CEP95: variants seen among roughly 807,000 people sequenced by gnomAD.
CEP95 encodes the protein centrosomal protein 95, also known as centrosomal protein of 95 kDa.
Under a neutral mutation model 111.2 loss-of-function variants are expected in CEP95, and 98 were observed. The ratio of observed to expected loss-of-function variants is 0.88; its 90% CI spans 0.75 to 1.04. The LOEUF (loss-of-function observed/expected upper bound fraction) is 1.04. CEP95 is among the 50% of genes least tolerant of loss of function. The probability of loss-of-function intolerance (pLI) is 0.00; values close to 1 mark genes in which losing one functional copy is unlikely to be tolerated. For synonymous variants in CEP95, 323 were observed against 327.1 expected, an observed-to-expected ratio of 0.99 and a Z score of 0.14; for missense variants, 1,027 against 977.2, an observed-to-expected ratio of 1.05 and a Z score of -0.68.
At chr17:64,513,969 A>AG (rs1397962945) in intron 3 of CEP95, among the ~76,000 whole-genome samples, 1 of 152,210 alleles carries the variant, frequency 6.6e-6, no homozygotes, top group Non-Finnish European at 1.5e-5. Flanking sequence ...CTTCTCCAAA[A>AG]AAGGAAGGAA....
Position 64,521,387 on chromosome 17 carries a change from T to G in CEP95, c.590-15T>G, listed in dbSNP as rs782501715. On this transcript the variant is annotated splice_polypyrimidine_tract_variant and intron_variant, in intron 6 of 19. Coordinates refer to ENST00000556440, the MANE Select transcript of CEP95 (RefSeq NM_138363.3). ...TGATAGTTAAAAATTTTACCTTTAA[T>G]ATTTTCTTTCCTAGGTGCTCAATGT... 6.3e-7 allele frequency: 1 copy of G among 1,593,058 alleles called. No individual in the cohort carries two copies. The highest frequency in any genetic ancestry group is 1.1e-5 in the South Asian group (1 of 87,898).
At chr17:64,511,825 AT>A (rs1429987765) in intron 3 of CEP95, among the ~76,000 whole-genome samples, 1 of 152,254 alleles carries the variant, frequency 6.6e-6, no homozygotes, top group Non-Finnish European at 1.5e-5. Flanking sequence ...TTATAAAAGT[AT>A]TAATTTGGGG....
intron 5 of CEP95, among the ~76,000 whole-genome samples, chr17:64,518,767 G>A (rs1967079903): frequency 6.6e-6 from 1 of 151,726 alleles, no homozygotes; most frequent in Non-Finnish European, 1.5e-5. Context: ...TGCAACCTCT[G>A]CCTCCCAGGT....
chr17:64,510,368 G>GT (rs2038829265), intron 3 of CEP95, 88 bp downstream of exon 3: 2 of 841,862 alleles, frequency 2.4e-6, no homozygotes, highest in African/African-American at 3.4e-5. Flanking sequence ...AACCAAATGA[G>GT]TGAGCTTATG....
At chr17:64,517,690 A>ATTT (rs782455302) in intron 5 of CEP95, among the ~76,000 whole-genome samples, 13 of 124,512 alleles carry the variant, frequency 1.0e-4, no homozygotes, top group African/African-American at 3.9e-4. Context: ...CACCTGGCTA[A>ATTT]TTTTTTTTTT....
chr17:64,512,909 T>G (rs2144358287), intron 3 of CEP95, among the ~76,000 whole-genome samples: 1 of 152,284 alleles, frequency 6.6e-6, no homozygotes, highest in Non-Finnish European at 1.5e-5. Context: ...ACATACATGT[T>G]TGTAAAACTC....
intron 17 of CEP95, chr17:64,535,056 A>G (rs1968556650): frequency 2.9e-6 from 1 of 348,518 alleles, no homozygotes; most frequent in African/African-American, 2.1e-5. Flanking sequence ...TAGTGTGATA[A>G]CATGACCTTG....
Position 64,532,523 on chromosome 17 carries a change from C to T in CEP95, c.1673-316C>T, listed in dbSNP as rs79911497. On this transcript the variant is annotated intron_variant, in intron 14 of 19. Coordinates refer to ENST00000556440, the MANE Select transcript of CEP95 (RefSeq NM_138363.3). The stretch of plus-strand genomic sequence containing the variant: ...GAAACTTTTTCTTCTAAGCACTTGC[C>T]TACCGGGAAGGTTGAGGAGTCTTGT... The T allele has an allele frequency of 8.6e-4, 850 of 985,372 alleles. 3 individuals are homozygous for T. In the African/African-American group the frequency reaches 0.013, roughly 16 times the overall value. The allele number at this position is 985,372 out of a possible 1,614,324, so 61.0% of individuals were successfully genotyped here.
At position 64,513,527 on chromosome 17, in the gene CEP95, A is replaced by G. The variant is rs111527646; in HGVS notation, c.257-721A>G. On this transcript the variant is annotated intron_variant, in intron 3 of 19. Transcript: ENST00000556440. The stretch of plus-strand genomic sequence containing the variant: ...TGTGCTAGGGACTGTGCTATGATCT[A>G]TGAGTGTAAGTTATGAATATGAAGT... 3.4e-3 allele frequency among the ~76,000 whole-genome samples: 514 copies of G among 152,322 alleles called. 2 individuals carry two copies. Among genetic ancestry groups the G allele is most frequent in the African/African-American group, 0.012 (503 of 41,576 alleles).
At position 64,525,861 on chromosome 17, in the gene CEP95, G is replaced by A. The variant is rs923494028; in HGVS notation, c.1001G>A (p.Arg334Lys). The change falls in exon 9 of 20, where the codon AGG (arginine) becomes AAG (lysine). Residue 334 changes from arginine to lysine, a missense_variant. By Grantham distance (26) the Arg-to-Lys change is conservative. Transcript: ENST00000556440. ...YPAQVQGPRT[R>K]KPPKGKRNEN... ...GCTCAGGTCCAAGGGCCTAGGACAA[G>A]GAAGCCTCCCAAAGGAAAAAGGTAA... 2 of 1,577,410 alleles carry A rather than the reference G, an allele frequency of 1.3e-6. No homozygotes were observed. The highest frequency in any genetic ancestry group is 1.7e-6 in the Non-Finnish European group (2 of 1,169,812).
chr17:64,508,128 C>T (rs2144313634), intron 1 of CEP95: 1 of 985,424 alleles, frequency 1.0e-6, no homozygotes, highest in Non-Finnish European at 1.2e-6. Flanking sequence ...ACCAGAGAAA[C>T]CCTGACTTGC....
At chr17:64,514,034 A>G (rs549570217) in intron 3 of CEP95, among the ~76,000 whole-genome samples, 3 of 152,174 alleles carry the variant, frequency 2.0e-5, no homozygotes, top group Non-Finnish European at 4.4e-5. Flanking sequence ...TTTTTCTTCA[A>G]ATATAATCAG....
At chr17:64,520,918 T>C (rs1967281404) in intron 6 of CEP95, among the ~76,000 whole-genome samples, 1 of 152,230 alleles carries the variant, frequency 6.6e-6, no homozygotes. Flanking sequence ...GATTACAAAA[T>C]GGCATCTTAC....
intron 11 of CEP95, 124 bp from the exon 12 acceptor site, chr17:64,529,164 G>C (rs1275833276): frequency 1.0e-5 from 8 of 776,092 alleles, no homozygotes; most frequent in Non-Finnish European, 1.6e-5. Context: ...GTTAGTTACA[G>C]GAGAGAGTCC....
chr17:64,507,426 A>G, intron 1 of CEP95: 1 of 1,355,624 alleles, frequency 7.4e-7, no homozygotes. Flanking sequence ...TGGGGCGTCT[A>G]GCCGCTGTCC....
upstream of CEP95, chr17:64,506,814 C>T (rs75470037): frequency 2.3e-3 from 1,334 of 577,242 alleles, 14 homozygotes; most frequent in African/African-American, 0.021. Flanking sequence ...GTGGACCGTC[C>T]GACCCGCGTG....
intron 1 of CEP95, 139 bp downstream of exon 1, chr17:64,507,255 C>T (rs894965434): frequency 1.1e-5 from 17 of 1,511,634 alleles, no homozygotes; most frequent in African/African-American, 4.2e-5. Context: ...GGCGGGTTCC[C>T]TGGATAGGGT....
rs1246750948 is a variant in CEP95 at position 64,510,191 on chromosome 17, G to A, written c.167G>A (p.Arg56Lys). The stretch of plus-strand genomic sequence containing the variant: ...CCCCCAGACCTCATAGTTATTCCTA[G>A]GAGTCAAGAAGATGATGCACACAAT... ...EKVPDLIVIPRSQEDDAHNVQ... is the reference protein window; with the variant it reads ...EKVPDLIVIPKSQEDDAHNVQ... Residue 56 changes from arginine (R) to lysine (K), a missense_variant, in exon 3 of 20, where the codon AGG becomes AAG. By Grantham distance (26) the Arg-to-Lys change is conservative. Transcript: ENST00000556440. 1.9e-6 allele frequency: 3 copies of A among 1,607,196 alleles called. No homozygotes were observed. Among genetic ancestry groups the A allele is most frequent in the Admixed American group, 1.7e-5 (1 of 59,576 alleles).
chr17:64,529,465 C>T (rs782776444), intron 12 of CEP95, 38 bp downstream of exon 12: 9 of 1,604,166 alleles, frequency 5.6e-6, no homozygotes, highest in Non-Finnish European at 7.7e-6. Flanking sequence ...AAGCAGCAGC[C>T]AGTACCATTT....
Sources: allele counts gnomAD v4.1 joint callset (sites outside exome capture counted in the v4.1 genomes callset), GRCh38; gene constraint gnomAD v4.1.1; transcripts MANE v1.5; gene names NCBI Gene and HGNC (gene_info 2026-07-23, HGNC 2026-07-21).